ROCK2: variants seen among roughly 807,000 people sequenced by gnomAD.
The protein encoded by ROCK2 is rho-associated protein kinase 2.
ROCK2 carries 61 observed loss-of-function variants against 195.1 expected under a neutral mutation model. That is an observed-to-expected ratio of 0.31 (90% confidence interval 0.25 to 0.39). The LOEUF is 0.39. ROCK2 is among the 10% of genes least tolerant of loss of function. The pLI is 1.00. For synonymous variants in ROCK2, 504 were observed against 545.5 expected (o/e 0.92, Z 1.06); for missense variants, 1,109 against 1,637.4 (o/e 0.68, Z 5.57).
At chr2:11,278,141 T>C (rs1475990354) in intron 3 of ROCK2, among the ~76,000 whole-genome samples, 1 of 152,232 alleles carries the variant, frequency 6.6e-6, no homozygotes, top group African/African-American at 2.4e-5. Context: ...AAATACATTA[T>C]TAACTACAGT....
chr2:11,272,524 C>T (rs1666674740), intron 3 of ROCK2, among the ~76,000 whole-genome samples: 1 of 151,982 alleles, frequency 6.6e-6, no homozygotes, highest in African/African-American at 2.4e-5. Context: ...GTTTGGGGCA[C>T]ATAATGAATA....
At chr2:11,183,550 C>A in intron 32 of ROCK2, 110 bp from the exon 33 acceptor site, 1 of 726,812 alleles carries the variant, frequency 1.4e-6, no homozygotes, top group Non-Finnish European at 2.2e-6. Context: ...AGTCTTCCAG[C>A]TACTATATTT....
In ROCK2 at chr2:11,235,125, T is replaced by C. The variant is rs1344411923; in HGVS notation, c.723+577A>G. ...CAGAGAAAAGGGCAAGATATATAAA[T>C]TTTACAACCAAAATAAATCAGTATC... On this transcript the variant is annotated intron_variant, in intron 5 of 32. Coordinates refer to ENST00000315872, the MANE Select transcript of ROCK2 (RefSeq NM_004850.5). The surrounding 1 kb of genome is among the most constrained non-coding windows in gnomAD (Gnocchi z 4.2). Among the ~76,000 whole-genome samples, 1 of 152,108 alleles carries C rather than the reference T, an allele frequency of 6.6e-6. No individual in the cohort carries two copies. The highest frequency in any genetic ancestry group is 2.4e-5 in the African/African-American group (1 of 41,432).
At position 11,207,937 on chromosome 2, in the gene ROCK2, T is replaced by A. The variant is rs775353947; in HGVS notation, c.2365-27A>T. ...TAAGAAATAAATTGTGTACTTGGTATATAAGTAAATTATTTCCATTTTTCT... is the reference window on the plus strand; with the variant it reads ...TAAGAAATAAATTGTGTACTTGGTAAATAAGTAAATTATTTCCATTTTTCT... On this transcript the variant is annotated intron_variant, in intron 19 of 32. Transcript: ENST00000315872. The A allele has an allele frequency of 2.1e-6, 3 of 1,405,988 alleles. No homozygotes were observed. The East Asian group carries it at 7.3e-5, about 34-fold the overall frequency. The allele number at this position is 1,405,988 out of a possible 1,614,324, so 87.1% of individuals were successfully genotyped here.
Position 11,192,112 on chromosome 2 carries a change from C to CTTTTTTT in ROCK2, c.4163+29_4163+35dup. 8.9e-7 allele frequency: 1 copy of CTTTTTTT among 1,121,244 alleles called. No individual in the cohort carries two copies. Among genetic ancestry groups the CTTTTTTT allele is most frequent in the Non-Finnish European group, 1.2e-6 (1 of 815,870 alleles). 69.5% of individuals were successfully genotyped at this position (1,121,244 alleles called of 1,614,324 possible). On this transcript the variant is annotated intron_variant, in intron 32 of 32. Transcript: ENST00000315872. The surrounding 1 kb of genome is among the most constrained non-coding windows in gnomAD (Gnocchi z 5.0). ...ATAAATAGCAAAATATTTTAATAGACTTTTTTTTTTTCCTTACCACATTTT... is the reference window on the plus strand; with the variant it reads ...ATAAATAGCAAAATATTTTAATAGACTTTTTTTTTTTTTTTTTTCCTTACCACATTTT...
In ROCK2 at chr2:11,343,980, G is replaced by T; in HGVS notation, c.141+16C>A. The stretch of plus-strand genomic sequence containing the variant: ...GTGAGCTGCAACGAGCAAGCTCCCA[G>T]GCCCCGGCCACCTACCAGCAAGCTC... On this transcript the variant is annotated intron_variant, in intron 1 of 32. Coordinates refer to ENST00000315872, the MANE Select transcript of ROCK2 (RefSeq NM_004850.5). 6.3e-7 allele frequency: 1 copy of T among 1,585,766 alleles called. No homozygotes were observed.
intron 5 of ROCK2, among the ~76,000 whole-genome samples, chr2:11,230,224 T>C (rs1411886013): frequency 6.6e-6 from 1 of 152,130 alleles, no homozygotes; most frequent in Non-Finnish European, 1.5e-5. Context: ...TCAGAGCTTC[T>C]TGGAGAAGTG....
intron 3 of ROCK2, among the ~76,000 whole-genome samples, chr2:11,279,902 G>A (rs1456150034): frequency 6.6e-6 from 1 of 152,158 alleles, no homozygotes; most frequent in Non-Finnish European, 1.5e-5. Flanking sequence ...AAAATATGTG[G>A]AGATTAAACA....
chr2:11,196,828 A>G (rs1251642897), intron 27 of ROCK2, among the ~76,000 whole-genome samples: 1 of 152,220 alleles, frequency 6.6e-6, no homozygotes, highest in Admixed American at 6.5e-5. Context: ...TAGGTGAATG[A>G]CATGGATTCC....
intron 1 of ROCK2, among the ~76,000 whole-genome samples, chr2:11,317,612 A>ATATTT (rs59701503): frequency 5.7e-4 from 11 of 19,308 alleles, no homozygotes; most frequent in African/African-American, 1.3e-3. Flanking sequence ...ATATATATAT[A>ATATTT]TTTTTTTTTT....
chr2:11,294,184 CAAAG>C (rs1018637276), intron 1 of ROCK2, among the ~76,000 whole-genome samples: 4 of 150,868 alleles, frequency 2.7e-5, no homozygotes, highest in African/African-American at 4.9e-5. Context: ...AAAAGTAAGA[CAAAG>C]AGAGAGAGAA....
At chr2:11,323,023 C>T (rs1474325666) in intron 1 of ROCK2, among the ~76,000 whole-genome samples, 1 of 151,506 alleles carries the variant, frequency 6.6e-6, no homozygotes, top group South Asian at 2.1e-4. Flanking sequence ...TTAACCTGAA[C>T]CTAAGGGGAT....
chr2:11,223,214 A>C (rs1489032830), intron 7 of ROCK2, among the ~76,000 whole-genome samples: 1 of 152,174 alleles, frequency 6.6e-6, no homozygotes, highest in Admixed American at 6.5e-5. Context: ...CAACCATGTA[A>C]TTGACAGGTA....
At chr2:11,262,110 A>G (rs919749985) in intron 3 of ROCK2, among the ~76,000 whole-genome samples, 1 of 152,228 alleles carries the variant, frequency 6.6e-6, no homozygotes, top group African/African-American at 2.4e-5. Context: ...TCACTAGTCT[A>G]TGAGTACCTA....
chr2:11,200,407 C>T (rs571371054), intron 23 of ROCK2, among the ~76,000 whole-genome samples: 19 of 152,226 alleles, frequency 1.2e-4, no homozygotes, highest in African/African-American at 4.1e-4. Context: ...TATTCTGAAA[C>T]CATTTATGAA....
intron 5 of ROCK2, chr2:11,234,107 AAAT>A (rs1296534322): frequency 6.6e-6 from 1 of 152,108 alleles, no homozygotes; most frequent in Non-Finnish European, 1.5e-5. Flanking sequence ...AATTTATTAA[AAAT>A]AATAAATAAA....
intron 6 of ROCK2, among the ~76,000 whole-genome samples, chr2:11,224,720 GTT>G (rs61186205): frequency 2.1e-5 from 3 of 141,902 alleles, no homozygotes; most frequent in Admixed American, 7.1e-5. Flanking sequence ...AATTTGTTGA[GTT>G]TTTTTTTTTT....
intron 3 of ROCK2, among the ~76,000 whole-genome samples, chr2:11,252,909 G>A (rs1436752019): frequency 6.0e-5 from 9 of 150,666 alleles, no homozygotes; most frequent in South Asian, 4.2e-4. Context: ...AAACCTGCAC[G>A]TTCCGTGCAT....
intron 3 of ROCK2, among the ~76,000 whole-genome samples, chr2:11,269,560 A>G (rs1465719545): frequency 6.6e-6 from 1 of 151,926 alleles, no homozygotes; most frequent in Non-Finnish European, 1.5e-5. Context: ...ATTGGCCATC[A>G]GGTCTTTTTC....
Sources: gnomAD v4.1 joint callset for allele counts (sites outside exome capture counted in the v4.1 genomes callset) on GRCh38, gnomAD v4.1.1 for gene constraint, Gnocchi (gnomAD v3.1) non-coding constraint, MANE v1.5 for transcripts, NCBI Gene and HGNC (gene_info 2026-07-23, HGNC 2026-07-21) for gene names.